Variants in PRKACA observed in about 807,000 individuals in gnomAD.
PRKACA encodes the protein cAMP-dependent protein kinase catalytic subunit alpha.
PRKACA carries 9 observed loss-of-function variants against 45.8 expected under a neutral mutation model. The ratio of observed to expected loss-of-function variants is 0.20; its 90% CI spans 0.12 to 0.34. PRKACA has a LOEUF of 0.34. Among genes scored for constraint, PRKACA ranks in the 10% least tolerant of loss-of-function variants. PRKACA has a pLI of 1.00. For synonymous variants in PRKACA, 160 were observed against 178.6 expected (o/e 0.90, Z 0.83); for missense variants, 238 against 458.6 (o/e 0.52, Z 4.39).
At chr19:14,104,278 A>C (rs1977535265) in intron 3 of PRKACA, among the ~76,000 whole-genome samples, 1 of 143,194 alleles carries the variant, frequency 7.0e-6, no homozygotes, top group Non-Finnish European at 1.5e-5. Context: ...TGGAGCTGGC[A>C]GTGAGCTGAG....
At chr19:14,108,140 T>G in intron 1 of PRKACA, 1 of 985,518 alleles carries the variant, frequency 1.0e-6, no homozygotes, top group Non-Finnish European at 1.2e-6. Flanking sequence ...TCGTCTCTGC[T>G]GAGACACAGC....
intron 1 of PRKACA, among the ~76,000 whole-genome samples, chr19:14,116,072 G>C (rs1264445002): frequency 6.6e-6 from 1 of 152,192 alleles, no homozygotes; most frequent in Non-Finnish European, 1.5e-5. Flanking sequence ...AAAGTTCCCT[G>C]GCTTTCATAC....
At chr19:14,094,168 T>C (rs555805912) in intron 8 of PRKACA, among the ~76,000 whole-genome samples, 24 of 111,680 alleles carry the variant, frequency 2.1e-4, no homozygotes, top group African/African-American at 8.5e-4. Flanking sequence ...CCAGCAAGAA[T>C]CTGCATTTCT....
chr19:14,107,515 C>T (rs1168595192), intron 1 of PRKACA, 106 bp from the exon 2 acceptor site: 2 of 1,399,592 alleles, frequency 1.4e-6, no homozygotes, highest in Non-Finnish European at 2.0e-6. Context: ...GCAGTTCCAA[C>T]CCAGAGCCTG....
chr19:14,095,464 C>T (rs1017915794), intron 8 of PRKACA, among the ~76,000 whole-genome samples: 11 of 150,650 alleles, frequency 7.3e-5, no homozygotes, highest in Admixed American at 1.3e-4. Context: ...CCACCACACC[C>T]GGCCAACTCT....
At chr19:14,099,223 C>CA (rs375145140) in intron 5 of PRKACA, among the ~76,000 whole-genome samples, 10 of 152,210 alleles carry the variant, frequency 6.6e-5, no homozygotes, top group African/African-American at 2.4e-4. Context: ...ACCCGGGAGG[C>CA]AGAGTTTGCA....
chr19:14,097,913 T>G lies in PRKACA; in HGVS notation c.420-23A>C, dbSNP rs781277595. On this transcript the variant is annotated intron_variant, in intron 5 of 9. Coordinates refer to ENST00000308677, the MANE Select transcript of PRKACA (RefSeq NM_002730.4). The surrounding 1 kb of genome is among the most constrained non-coding windows in gnomAD (Gnocchi z 5.4). ...TCACTGATGGGGACAAATGGGGAGG[T>G]GAACGTCAGTGGTCATGCCCCAAAA... 1 of 1,612,682 alleles carries G rather than the reference T, an allele frequency of 6.2e-7. No homozygotes were observed. Among genetic ancestry groups the G allele is most frequent in the Non-Finnish European group, 8.5e-7 (1 of 1,179,534 alleles).
chr19:14,114,210 G>A (rs901618254), intron 1 of PRKACA: 6 of 1,591,930 alleles, frequency 3.8e-6, no homozygotes, highest in Middle Eastern at 1.7e-4. Flanking sequence ...AGGCTCATGA[G>A]ACCTGCCGTG....
At chr19:14,102,313 C>T (rs1472617781) in intron 4 of PRKACA, among the ~76,000 whole-genome samples, 1 of 152,092 alleles carries the variant, frequency 6.6e-6, no homozygotes, top group African/African-American at 2.4e-5. Context: ...TTTCTCATGA[C>T]CACAGCTTTG....
chr19:14,114,545 G>T (rs1309648818), intron 1 of PRKACA, among the ~76,000 whole-genome samples: 1 of 151,878 alleles, frequency 6.6e-6, no homozygotes, highest in African/African-American at 2.4e-5. Flanking sequence ...TGTGTCCTGG[G>T]GATCGGGGGC....
chr19:14,093,569 C>G (rs1568527451), intron 9 of PRKACA, 59 bp downstream of exon 9: 1 of 1,552,330 alleles, frequency 6.4e-7, no homozygotes, highest in East Asian at 2.2e-5. Context: ...TATTGGCTGT[C>G]CTCCCTGACT....
chr19:14,093,747 G>A lies in PRKACA; in HGVS notation c.811C>T (p.Arg271Trp), dbSNP rs1179462944. ...GTGAGATCTACCTGCAGGAGGTTCC[G>A]CAGCAGGTCCTTCAAGTCAGAGCTG... is the stretch of plus-strand genomic sequence containing the variant. ...HFSSDLKDLL[R>W]NLLQVDLTKR... The change falls in exon 9 of 10, where the codon CGG becomes TGG. Residue 271 changes from arginine to tryptophan, a missense_variant. By Grantham distance (101) the Arg-to-Trp change is moderately radical. Coordinates refer to ENST00000308677, the MANE Select transcript of PRKACA (RefSeq NM_002730.4). The A allele has an allele frequency of 6.8e-6, 11 of 1,614,032 alleles. No homozygotes were observed. Among genetic ancestry groups the A allele is most frequent in the South Asian group, 1.1e-5 (1 of 91,078 alleles).
At chr19:14,112,831 C>G (rs1318346513) in intron 1 of PRKACA, among the ~76,000 whole-genome samples, 1 of 152,172 alleles carries the variant, frequency 6.6e-6, no homozygotes, top group African/African-American at 2.4e-5. Flanking sequence ...CTGATGTGCC[C>G]AGAGCAGTGC....
Position 14,097,283 on chromosome 19 carries a change from G to C in PRKACA, c.765+78C>G. 1 of 1,596,748 alleles carries C rather than the reference G, an allele frequency of 6.3e-7. No individual in the cohort carries two copies. The highest frequency in any genetic ancestry group is 8.6e-7 in the Non-Finnish European group (1 of 1,165,906). On this transcript the variant is annotated intron_variant, in intron 8 of 9. Transcript: ENST00000308677. This position sits in a 1 kb window ranked among gnomAD's most constrained non-coding sequence, Gnocchi z 5.4. ...TCTAGATTATTCTGACAACAAGCAG[G>C]GCTCCCCAGGGAATAGGATGGGTGA...
rs1568541148 is a variant in PRKACA at position 14,117,644 on chromosome 19, G to A, written c.-97C>T. On this transcript the variant is annotated 5_prime_UTR_variant, in exon 1 of 10. Coordinates refer to ENST00000308677, the MANE Select transcript of PRKACA (RefSeq NM_002730.4). ...GAGCGCGCTGGGCGGCGGCGGCGGC[G>A]GCCCTCGGGCTGGCTGCGCTAGCTG... The A allele has an allele frequency of 1.4e-6, 1 of 720,604 alleles. No homozygotes were observed. Among genetic ancestry groups the A allele is most frequent in the Middle Eastern group, 6.8e-4 (1 of 1,474 alleles). The allele number at this position is 720,604 out of a possible 1,614,324, so 44.6% of individuals were successfully genotyped here. A position where few individuals can be genotyped will look rare whatever the true frequency, so the allele number is the denominator to read the frequency against.
At chr19:14,114,077 G>T in intron 1 of PRKACA, 3 of 1,565,844 alleles carry the variant, frequency 1.9e-6, no homozygotes, top group South Asian at 1.1e-5. Context: ...GCCCCTCCCT[G>T]ACTTAAGGGG....
intron 8 of PRKACA, among the ~76,000 whole-genome samples, chr19:14,094,304 T>G (rs1248978727): frequency 6.6e-6 from 1 of 151,828 alleles, no homozygotes; most frequent in Non-Finnish European, 1.5e-5. Context: ...TTCTCCTGTC[T>G]CAGCCTCCTG....
rs201225070 is a variant in PRKACA at position 14,106,789 on chromosome 19, A to G, written c.208T>C (p.Tyr70His). The G allele has an allele frequency of 6.2e-6, 10 of 1,614,208 alleles. No individual in the cohort carries two copies. In the Admixed American group the frequency reaches 1.0e-4, roughly 16 times the overall value. Residue 70 changes from tyrosine (Y) to histidine (H), a missense_variant, in exon 3 of 10, where the codon TAT becomes CAT. Around this residue, in one of 3 missense-constraint regions of PRKACA, gnomAD observed 93 missense variants for 149.1 expected, o/e 0.62. Transcript: ENST00000308677. ...LVKHKETGNH[Y>H]AMKILDKQKV... is the part of the protein sequence containing the mutation. ...TGTTTGTCGAGGATCTTCATGGCATAGTGGTTCCCGGTCTCCTTGTGTTTC... is the reference window on the plus strand; with the variant it reads ...TGTTTGTCGAGGATCTTCATGGCATGGTGGTTCCCGGTCTCCTTGTGTTTC...
intron 3 of PRKACA, among the ~76,000 whole-genome samples, chr19:14,104,210 G>T (rs1378559059): frequency 6.6e-6 from 1 of 151,166 alleles, no homozygotes; most frequent in Non-Finnish European, 1.5e-5. Flanking sequence ...GGTGGCGGGC[G>T]CCTGTAGTCC....
Sources: allele counts gnomAD v4.1 joint callset (sites outside exome capture counted in the v4.1 genomes callset), GRCh38; gene constraint gnomAD v4.1.1; regional missense constraint gnomAD v4.1.1; non-coding constraint Gnocchi (gnomAD v3.1); transcripts MANE v1.5; gene names NCBI Gene and HGNC (gene_info 2026-07-23, HGNC 2026-07-21).